Variants in KCNQ4 observed in about 807,000 individuals in gnomAD.
KCNQ4 encodes potassium voltage-gated channel subfamily KQT member 4.
Under a neutral mutation model 72.6 loss-of-function variants are expected in KCNQ4, and 31 were observed. That is an observed-to-expected ratio of 0.43 (90% CI 0.32 to 0.58). The LOEUF (loss-of-function observed/expected upper bound fraction) is 0.58, where lower values mean the gene tolerates loss of function less well. Ranked by LOEUF, KCNQ4 falls within the 20% of genes least tolerant of loss-of-function variation. KCNQ4 has a pLI of 0.08. For synonymous variants in KCNQ4, 405 were observed against 403.7 expected, an observed-to-expected ratio of 1.00 and a Z score of -0.04; for missense variants, 869 against 962.6, an observed-to-expected ratio of 0.90 and a Z score of 1.29.
chr1:40,837,734 C>T lies in KCNQ4; in HGVS notation c.1815C>T (p.Ser605=), dbSNP rs866009555. 3.1e-6 allele frequency: 5 copies of T among 1,612,644 alleles called. No individual in the cohort carries two copies. The highest frequency in any genetic ancestry group is 1.7e-5 in the Admixed American group (1 of 59,808). ...GGGAGAAGGGCGACAAGGGGCCCTC[C>T]GACGCGGAGGTGGTGGATGAAATCA... ...KAREKGDKGP[S]DAEVVDEISM... is the part of the protein sequence containing the mutation. The change falls in exon 13 of 14, where the codon TCC becomes TCT. Residue 605 remains serine (S), a synonymous_variant. Transcript: ENST00000347132.
chr1:40,838,402 A>G lies in KCNQ4; in HGVS notation c.1967A>G (p.Gln656Arg), dbSNP rs1648874421. 4 of 1,614,082 alleles carry G rather than the reference A, an allele frequency of 2.5e-6. No individual in the cohort carries two copies. In the East Asian group the frequency reaches 8.9e-5, roughly 36 times the overall value. Reference sequence around the variant, plus strand: ...ACCTCGGCCAGCCTGGGCGCCGTGCAAGTGCCGCTGTTCGACCCCGACATC... The same window carrying G: ...ACCTCGGCCAGCCTGGGCGCCGTGCGAGTGCCGCTGTTCGACCCCGACATC... ...SGTSASLGAVQVPLFDPDITS... is the reference protein window; with the variant it reads ...SGTSASLGAVRVPLFDPDITS... The change falls in exon 14 of 14, where the codon CAA (glutamine) becomes CGA (arginine). Residue 656 changes from glutamine to arginine, a missense_variant. Physicochemically the swap from Gln to Arg is conservative, Grantham distance 43. Around this residue, in one of 5 missense-constraint regions of KCNQ4, gnomAD observed 480 missense variants for 501.9 expected, o/e 0.96. Coordinates refer to ENST00000347132, the MANE Select transcript of KCNQ4 (RefSeq NM_004700.4).
At chr1:40,797,961 A>T (rs765913229) in intron 1 of KCNQ4, among the ~76,000 whole-genome samples, 1 of 152,116 alleles carries the variant, frequency 6.6e-6, no homozygotes, top group Non-Finnish European at 1.5e-5. Flanking sequence ...CTTGGGGTCC[A>T]TGGGGGTCCC....
At chr1:40,824,041 G>A (rs1195959903) in intron 8 of KCNQ4, 56 bp from the exon 9 acceptor site, 1 of 1,538,416 alleles carries the variant, frequency 6.5e-7, no homozygotes, top group East Asian at 2.4e-5. Context: ...GTGCCCACTG[G>A]GTGAGGGGGG....
chr1:40,837,747 G>T lies in KCNQ4; in HGVS notation c.1828G>T (p.Val610Leu), dbSNP rs777656364. 1.2e-6 allele frequency: 2 copies of T among 1,612,698 alleles called. No homozygotes were observed. The highest frequency in any genetic ancestry group is 4.5e-5 in the East Asian group (2 of 44,840). The change falls in exon 13 of 14, where the codon GTG becomes TTG. Residue 610 changes from valine (V) to leucine (L), a missense_variant. This residue lies in a region of KCNQ4 where 480 missense variants were observed against 501.9 expected (regional missense o/e 0.96). Coordinates refer to ENST00000347132, the MANE Select transcript of KCNQ4 (RefSeq NM_004700.4). Reference sequence around the variant, plus strand: ...CAAGGGGCCCTCCGACGCGGAGGTGGTGGATGAAATCAGCATGATGGGACG... The same window carrying T: ...CAAGGGGCCCTCCGACGCGGAGGTGTTGGATGAAATCAGCATGATGGGACG... ...GDKGPSDAEV[V>L]DEISMMGRVV...
In KCNQ4 at chr1:40,788,483, T is replaced by C. The variant is rs995099443; in HGVS notation, c.314+4076T>C. Among the ~76,000 whole-genome samples the C allele has an allele frequency of 3.9e-5, 6 of 152,212 alleles. No homozygotes were observed. Among genetic ancestry groups the C allele is most frequent in the African/African-American group, 1.4e-4 (6 of 41,440 alleles). ...ATGCACAGGGCACCCTGCTGAGCTC[T>C]CTCTAAACCGGTCTCATTGTGTCCT... On this transcript the variant is annotated intron_variant, in intron 1 of 13. Transcript: ENST00000347132. This position sits in a 1 kb window ranked among gnomAD's most constrained non-coding sequence, Gnocchi z 4.5.
chr1:40,820,131 A>G (rs775777024), intron 6 of KCNQ4, 34 bp from the exon 7 acceptor site: 107 of 1,581,240 alleles, frequency 6.8e-5, no homozygotes, highest in Non-Finnish European at 8.6e-5. Context: ...CACCACTGCC[A>G]GCACATTCCC....
intron 9 of KCNQ4, among the ~76,000 whole-genome samples, chr1:40,828,705 T>C (rs560351366): frequency 6.9e-4 from 105 of 152,316 alleles, no homozygotes; most frequent in African/African-American, 2.4e-3. Context: ...GATGGGACCC[T>C]GCACGTTCTG....
chr1:40,784,274 C>T lies in KCNQ4; in HGVS notation c.181C>T (p.Pro61Ser). 2 of 1,528,296 alleles carry T rather than the reference C, an allele frequency of 1.3e-6. No individual in the cohort carries two copies. Among genetic ancestry groups the T allele is most frequent in the South Asian group, 1.2e-5 (1 of 83,442 alleles). 94.7% of individuals were successfully genotyped at this position (1,528,296 alleles called of 1,614,324 possible). A position where few individuals can be genotyped will look rare whatever the true frequency, so the allele number is the denominator to read the frequency against. ...GCCGCCGGGCGCGCCCCTCCCTGGG[C>T]CGGGCTCCGGCTCGGGCTCCGCCTG... ...PLPPGAPLPGPGSGSGSACGQ... is the reference protein window; with the variant it reads ...PLPPGAPLPGSGSGSGSACGQ... Residue 61 changes from proline (P) to serine (S), a missense_variant, in exon 1 of 14, where the codon CCG becomes TCG. Transcript: ENST00000347132. The surrounding 1 kb of genome is among the most constrained non-coding windows in gnomAD (Gnocchi z 4.1).
At chr1:40,819,081 C>T (rs1322345980) in intron 4 of KCNQ4, 2 of 492,930 alleles carry the variant, frequency 4.1e-6, no homozygotes, top group African/African-American at 4.5e-5. Flanking sequence ...CAAGGTAGGC[C>T]GGGTGCTGGA....
intron 9 of KCNQ4, among the ~76,000 whole-genome samples, chr1:40,827,505 G>A (rs1648516581): frequency 6.6e-6 from 1 of 152,188 alleles, no homozygotes; most frequent in African/African-American, 2.4e-5. Flanking sequence ...AAGGTTGGGG[G>A]CAGAGCTGGG....
chr1:40,838,611 C>A lies in KCNQ4; in HGVS notation c.*88C>A. 8.4e-7 allele frequency: 1 copy of A among 1,186,834 alleles called. No homozygotes were observed. The highest frequency in any genetic ancestry group is 1.3e-6 in the Non-Finnish European group (1 of 797,138). 73.5% of individuals were successfully genotyped at this position (1,186,834 alleles called of 1,614,324 possible). Reference sequence around the variant, plus strand: ...CTGAGGCCTCCGGACTCCTCTCGTACTTGAACTCACTCCCTCACGGGGAGA... The same window carrying A: ...CTGAGGCCTCCGGACTCCTCTCGTAATTGAACTCACTCCCTCACGGGGAGA... On this transcript the variant is annotated 3_prime_UTR_variant, in exon 14 of 14. Transcript: ENST00000347132.
At chr1:40,787,206 A>C (rs1389868504) in intron 1 of KCNQ4, among the ~76,000 whole-genome samples, 2 of 152,150 alleles carry the variant, frequency 1.3e-5, no homozygotes, top group Non-Finnish European at 2.9e-5. Context: ...CCCTGACTCT[A>C]CAAAATTTAA....
intron 1 of KCNQ4, among the ~76,000 whole-genome samples, chr1:40,812,576 A>G (rs901326567): frequency 1.6e-4 from 24 of 152,174 alleles, no homozygotes; most frequent in African/African-American, 5.3e-4. Context: ...GATGTTTTCT[A>G]TTAGTCCAAG....
At chr1:40,793,494 C>T (rs1395613369) in intron 1 of KCNQ4, among the ~76,000 whole-genome samples, 1 of 152,118 alleles carries the variant, frequency 6.6e-6, no homozygotes, top group Admixed American at 6.5e-5. Context: ...ATGATGACAG[C>T]CTCCGCTCTG....
intron 9 of KCNQ4, among the ~76,000 whole-genome samples, chr1:40,826,070 C>T (rs1301256037): frequency 6.6e-6 from 1 of 152,190 alleles, no homozygotes; most frequent in African/African-American, 2.4e-5. Context: ...AGTCACCAGG[C>T]TCAGGCCCAA....
At position 40,784,080 on chromosome 1, in the gene KCNQ4, G is replaced by T. The variant is rs886042324; in HGVS notation, c.-14G>T. 3.9e-3 allele frequency: 1,281 copies of T among 327,832 alleles called. 20 individuals are homozygous for T. The highest frequency in any genetic ancestry group is 0.027 in the African/African-American group (1,208 of 44,280). The allele number at this position is 327,832 out of a possible 1,614,324, so 20.3% of individuals were successfully genotyped here. ...CCGTGCCCGGGCCCCGGCGCCCCCA[G>T]CCCGGCGCCGCCCATGGCCGAGGCC... On this transcript the variant is annotated 5_prime_UTR_variant, in exon 1 of 14. Coordinates refer to ENST00000347132, the MANE Select transcript of KCNQ4 (RefSeq NM_004700.4). The surrounding 1 kb of genome is among the most constrained non-coding windows in gnomAD (Gnocchi z 4.1).
chr1:40,822,415 G>T lies in KCNQ4; in HGVS notation c.1130+13G>T, dbSNP rs1553167606. ...TCCCATCCTTCAGGTAGGTCCTGCT[G>T]GGGGTGGGGGTGGGTGGGGGGCTGG... On this transcript the variant is annotated intron_variant, in intron 8 of 13. Transcript: ENST00000347132. 6.8e-7 allele frequency: 1 copy of T among 1,466,496 alleles called. No individual in the cohort carries two copies. The highest frequency in any genetic ancestry group is 9.5e-7 in the Non-Finnish European group (1 of 1,051,758). The allele number at this position is 1,466,496 out of a possible 1,614,324, so 90.8% of individuals were successfully genotyped here.
intron 1 of KCNQ4, among the ~76,000 whole-genome samples, chr1:40,810,348 T>C: frequency 6.6e-6 from 1 of 152,214 alleles, no homozygotes; most frequent in East Asian, 1.9e-4. Context: ...TGCGGAAGGC[T>C]TCTTGGGACT....
Position 40,784,129 on chromosome 1 carries a change from TC to T in KCNQ4, c.41del (p.Pro14ArgfsTer10). ...EAPPRRLGLG[P>X]PPGDAPRAEL... ...CCCCCCCGCGCCGCCTCGGCCTGGG[TC>T]CCCCGCCCGGGGACGCCCCCCGCGC... On this transcript the variant is annotated frameshift_variant, in exon 1 of 14. Transcript: ENST00000347132. LOFTEE classifies it high-confidence loss of function. The surrounding 1 kb of genome is among the most constrained non-coding windows in gnomAD (Gnocchi z 4.1). The T allele has an allele frequency of 1.1e-6, 1 of 917,544 alleles. No individual in the cohort carries two copies. Among genetic ancestry groups the T allele is most frequent in the Non-Finnish European group, 1.3e-6 (1 of 754,042 alleles). 56.8% of individuals were successfully genotyped at this position (917,544 alleles called of 1,614,324 possible). A position where few individuals can be genotyped will look rare whatever the true frequency, so the allele number is the denominator to read the frequency against.
Sources: gnomAD v4.1 joint callset for allele counts (sites outside exome capture counted in the v4.1 genomes callset) on GRCh38, gnomAD v4.1.1 for gene constraint, gnomAD v4.1.1 regional missense constraint, Gnocchi (gnomAD v3.1) non-coding constraint, MANE v1.5 for transcripts, NCBI Gene and HGNC (gene_info 2026-07-23, HGNC 2026-07-21) for gene names.